Variants in GMDS observed in about 807,000 individuals in gnomAD.
GMDS encodes the protein GDP-mannose 4,6 dehydratase.
A neutral mutation model predicts 49.9 loss-of-function variants in GMDS; 20 were observed. That is an observed-to-expected ratio of 0.40 (90% confidence interval 0.28 to 0.58). The LOEUF (loss-of-function observed/expected upper bound fraction) is 0.58. Among genes scored for constraint, GMDS ranks in the 20% least tolerant of loss-of-function variants. The pLI, the probability that GMDS is intolerant of heterozygous loss-of-function variation, is 0.42. For missense variants in GMDS, 362 were observed against 481.4 expected (o/e 0.75, Z 2.32); for synonymous variants, 177 against 178.6 (o/e 0.99, Z 0.07).
intron 7 of GMDS, among the ~76,000 whole-genome samples, chr6:1,745,534 C>T (rs1336507863): frequency 6.6e-6 from 1 of 152,100 alleles, no homozygotes; most frequent in Admixed American, 6.6e-5. Flanking sequence ...CGGCCCGGGT[C>T]CCCTGGTGCT....
At chr6:1,707,423 A>T (rs943975641) in intron 9 of GMDS, among the ~76,000 whole-genome samples, 1 of 152,214 alleles carries the variant, frequency 6.6e-6, no homozygotes, top group African/African-American at 2.4e-5. Flanking sequence ...CTGAACAGCC[A>T]CACAGTTGAG....
chr6:2,014,249 A>C (rs1767757697), intron 4 of GMDS, among the ~76,000 whole-genome samples: 1 of 151,798 alleles, frequency 6.6e-6, no homozygotes, highest in African/African-American at 2.4e-5. Flanking sequence ...ATAGGTCAAA[A>C]ACTCAGGAAA....
At chr6:1,828,391 G>A (rs1046625157) in intron 7 of GMDS, among the ~76,000 whole-genome samples, 17 of 152,084 alleles carry the variant, frequency 1.1e-4, no homozygotes, top group African/African-American at 3.6e-4. Context: ...AAGAAGTAAT[G>A]GTTGATAACT....
intron 4 of GMDS, among the ~76,000 whole-genome samples, chr6:1,970,851 A>G (rs1487609978): frequency 2.6e-5 from 4 of 152,146 alleles, no homozygotes; most frequent in Non-Finnish European, 5.9e-5. Context: ...TAATCCATGC[A>G]GGGCTTAATA....
intron 2 of GMDS, among the ~76,000 whole-genome samples, chr6:2,122,319 T>C (rs898866367): frequency 2.4e-4 from 36 of 152,172 alleles, no homozygotes; most frequent in African/African-American, 8.4e-4. Flanking sequence ...ACCAGCCTTC[T>C]GTGTCTTAAC....
chr6:2,065,022 T>A (rs1771459682), intron 4 of GMDS, among the ~76,000 whole-genome samples: 1 of 152,148 alleles, frequency 6.6e-6, no homozygotes, highest in Non-Finnish European at 1.5e-5. Flanking sequence ...TAAATGTTAC[T>A]GTCTGACAGC....
chr6:1,968,470 C>G (rs2628455), intron 4 of GMDS, among the ~76,000 whole-genome samples: 34,686 of 152,146 alleles, frequency 0.23, 4,863 homozygotes, highest in African/African-American at 0.4. Context: ...GATCCTGAGA[C>G]ACTGCTGATC....
chr6:1,964,876 G>A (rs1203865600), intron 4 of GMDS, among the ~76,000 whole-genome samples: 1 of 152,052 alleles, frequency 6.6e-6, no homozygotes, highest in African/African-American at 2.4e-5. Flanking sequence ...CTGTGTCCAT[G>A]TGTTCTCATT....
intron 1 of GMDS, among the ~76,000 whole-genome samples, chr6:2,228,949 G>A (rs370145981): frequency 2.6e-5 from 4 of 152,342 alleles, no homozygotes; most frequent in East Asian, 1.9e-4. Context: ...CCAGAGGCTA[G>A]CTCCTGGAGG....
At chr6:1,871,558 TG>T (rs1291647097) in intron 7 of GMDS, among the ~76,000 whole-genome samples, 1 of 152,220 alleles carries the variant, frequency 6.6e-6, no homozygotes, top group Non-Finnish European at 1.5e-5. Context: ...TATCCTTCTT[TG>T]TTACAGAAAT....
intron 7 of GMDS, 53 bp from the exon 8 acceptor site, chr6:1,742,639 A>G (rs1767317672): frequency 2.1e-6 from 2 of 931,828 alleles, no homozygotes; most frequent in Non-Finnish European, 3.5e-6. Flanking sequence ...GTGGCCACAC[A>G]TTGTTTTCCA....
intron 7 of GMDS, among the ~76,000 whole-genome samples, chr6:1,914,547 C>A (rs1761275192): frequency 6.6e-6 from 1 of 152,114 alleles, no homozygotes; most frequent in South Asian, 2.1e-4. Flanking sequence ...TGGCTTCTTG[C>A]ACATCTGGTT....
At chr6:1,950,272 T>A (rs995021847) in intron 6 of GMDS, among the ~76,000 whole-genome samples, 12 of 152,230 alleles carry the variant, frequency 7.9e-5, no homozygotes, top group African/African-American at 2.9e-4. Context: ...ATTAGTATAA[T>A]CCTATGCATT....
chr6:1,894,762 CTG>C (rs1760065204), intron 7 of GMDS, among the ~76,000 whole-genome samples: 1 of 152,126 alleles, frequency 6.6e-6, no homozygotes, highest in Admixed American at 6.5e-5. Flanking sequence ...ATACAAAAGA[CTG>C]AGCTCCATGG....
intron 4 of GMDS, among the ~76,000 whole-genome samples, chr6:2,039,398 G>A (rs1561997339): frequency 1.3e-5 from 2 of 152,022 alleles, no homozygotes; most frequent in Non-Finnish European, 2.9e-5. Flanking sequence ...CTATATTAAA[G>A]TCACAAAAAT....
At chr6:1,725,658 C>T (rs1581512185) in intron 9 of GMDS, among the ~76,000 whole-genome samples, 1 of 152,182 alleles carries the variant, frequency 6.6e-6, no homozygotes, top group Non-Finnish European at 1.5e-5. Context: ...TCTTGAACTC[C>T]TGAGCTCAGG....
At chr6:2,003,170 ATAAT>A (rs1435319127) in intron 4 of GMDS, among the ~76,000 whole-genome samples, 1 of 152,166 alleles carries the variant, frequency 6.6e-6, no homozygotes, top group Non-Finnish European at 1.5e-5. Context: ...CTCCTTAGTC[ATAAT>A]TAATCTAGAT....
chr6:1,791,793 T>C (rs1304037278), intron 7 of GMDS, among the ~76,000 whole-genome samples: 2 of 152,200 alleles, frequency 1.3e-5, no homozygotes, highest in South Asian at 2.1e-4. Context: ...GTTTATAATA[T>C]ACAGCCAAAT....
chr6:2,059,514 C>G (rs946612722), intron 4 of GMDS, among the ~76,000 whole-genome samples: 10 of 149,508 alleles, frequency 6.7e-5, no homozygotes, highest in Non-Finnish European at 7.4e-5. Context: ...CGAGACCATC[C>G]TGGCTAACAC....
Sources: gnomAD v4.1 joint callset for allele counts (sites outside exome capture counted in the v4.1 genomes callset) on GRCh38, gnomAD v4.1.1 for gene constraint, MANE v1.5 for transcripts, NCBI Gene and HGNC (gene_info 2026-07-23, HGNC 2026-07-21) for gene names.